The following TRIM33 variants were observed in gnomAD, a reference collection of about 807,000 sequenced individuals.
The protein encoded by TRIM33 is E3 ubiquitin-protein ligase TRIM33.
TRIM33 carries 20 observed loss-of-function variants against 125.4 expected under a neutral mutation model. The observed-to-expected ratio is 0.16, with a 90% CI of 0.11 to 0.23. TRIM33 has a LOEUF of 0.23. Ranked by LOEUF, TRIM33 falls within the 10% of genes least tolerant of loss-of-function variation. The pLI, the probability that TRIM33 is intolerant of heterozygous loss-of-function variation, is 1.00. For synonymous variants in TRIM33, 564 were observed against 513.9 expected (o/e 1.10, Z -1.32); for missense variants, 920 against 1,411.4 (o/e 0.65, Z 5.58).
At chr1:114,457,256 C>T (rs890882875) in intron 4 of TRIM33, among the ~76,000 whole-genome samples, 4 of 152,120 alleles carry the variant, frequency 2.6e-5, no homozygotes, top group African/African-American at 7.2e-5. Flanking sequence ...ATGGACATTC[C>T]GCCATGATTT....
At position 114,406,565 on chromosome 1, in the gene TRIM33, A is replaced by G. The variant is rs190866115; in HGVS notation, c.2418+376T>C. On this transcript the variant is annotated intron_variant, in intron 14 of 19. Coordinates refer to ENST00000358465, the MANE Select transcript of TRIM33 (RefSeq NM_015906.4). ...ATCAATAAATTTCTTTCATGTCAGC[A>G]ATCTTAATGCTGAGCTCACAGGTCC... Among the ~76,000 whole-genome samples, 192 of 152,344 alleles carry G rather than the reference A, an allele frequency of 1.3e-3. 1 individual carries two copies. Among genetic ancestry groups the G allele is most frequent in the African/African-American group, 4.4e-3 (183 of 41,580 alleles).
rs59231995 is a variant in TRIM33 at position 114,439,468 on chromosome 1, CAAAAAAAA to C, written c.924-5743_924-5736del. Among the ~76,000 whole-genome samples, 19 of 45,974 alleles carry C rather than the reference CAAAAAAAA, an allele frequency of 4.1e-4. 1 individual carries two copies. The highest frequency in any genetic ancestry group is 1.9e-3 in the East Asian group (2 of 1,074). The allele number at this position is 45,974 out of a possible 152,430, so 30.2% of individuals were successfully genotyped here. ...TGGGCGACAGAGAGAGACTCTGTAT[CAAAAAAAA>C]AAAAAAAAAAAAAAAAAAAATCTAA... On this transcript the variant is annotated intron_variant, in intron 4 of 19. Coordinates refer to ENST00000358465, the MANE Select transcript of TRIM33 (RefSeq NM_015906.4).
intron 1 of TRIM33, among the ~76,000 whole-genome samples, chr1:114,502,370 CAA>C (rs1652768384): frequency 6.6e-6 from 1 of 152,038 alleles, no homozygotes; most frequent in Admixed American, 6.6e-5. Context: ...CTGAGGAACA[CAA>C]AGAGCTTTTG....
intron 1 of TRIM33, among the ~76,000 whole-genome samples, chr1:114,491,059 G>A (rs1422443330): frequency 2.6e-5 from 4 of 152,186 alleles, no homozygotes; most frequent in South Asian, 4.1e-4. Flanking sequence ...GTTTCTTTTG[G>A]GAGTAATAAA....
chr1:114,506,818 T>G (rs1224507640), intron 1 of TRIM33, among the ~76,000 whole-genome samples: 1 of 152,198 alleles, frequency 6.6e-6, no homozygotes, highest in Admixed American at 6.5e-5. Context: ...GGTAAACAGA[T>G]TGTACTTTCT....
chr1:114,469,267 C>T (rs761972569), intron 1 of TRIM33: 8 of 202,466 alleles, frequency 4.0e-5, no homozygotes, highest in Non-Finnish European at 7.7e-5. Flanking sequence ...AGCACAGCTC[C>T]GTGCCAAAGC....
chr1:114,426,642 A>C (rs1647605829), intron 8 of TRIM33, among the ~76,000 whole-genome samples: 2 of 151,954 alleles, frequency 1.3e-5, no homozygotes. Flanking sequence ...GTTTGTGTGC[A>C]TGTGTTTTAA....
Position 114,396,517 on chromosome 1 carries a change from A to C in TRIM33, c.*1131T>G, listed in dbSNP as rs1651551322. 1 of 194,860 alleles carries C rather than the reference A, an allele frequency of 5.1e-6. No homozygotes were observed. The highest frequency in any genetic ancestry group is 1.9e-4 in the South Asian group (1 of 5,180). The allele number at this position is 194,860 out of a possible 1,614,324, so 12.1% of individuals were successfully genotyped here. On this transcript the variant is annotated 3_prime_UTR_variant, in exon 20 of 20. Coordinates refer to ENST00000358465, the MANE Select transcript of TRIM33 (RefSeq NM_015906.4). The stretch of plus-strand genomic sequence containing the variant: ...GAGAAGTCTGTTCTCTATTAAAATA[A>C]GATAGAACCTCAAAATATGAATGTG...
chr1:114,496,103 C>T (rs1423296397), intron 1 of TRIM33, among the ~76,000 whole-genome samples: 1 of 152,198 alleles, frequency 6.6e-6, no homozygotes, highest in African/African-American at 2.4e-5. Context: ...GATTCATAAG[C>T]ACAGTAATAC....
intron 1 of TRIM33, chr1:114,490,804 A>C (rs116336869): frequency 6.6e-6 from 1 of 152,186 alleles, no homozygotes; most frequent in Non-Finnish European, 1.5e-5. Context: ...CTCTCTCCTC[A>C]TATCACTACT....
At position 114,427,263 on chromosome 1, in the gene TRIM33, G is replaced by C; in HGVS notation, c.1334C>G (p.Ala445Gly). ...ITFQLRHILK[A>G]RCDPVPAANG... ...AGCAGCAGGGACAGGATCACACCGTGCTTTCAAAATATGACGCAACTGGAA... is the reference window on the plus strand; with the variant it reads ...AGCAGCAGGGACAGGATCACACCGTCCTTTCAAAATATGACGCAACTGGAA... Residue 445 changes from alanine (A) to glycine (G), a missense_variant, in exon 8 of 20, where the codon GCA (alanine) becomes GGA (glycine). Physicochemically the swap from Ala to Gly is moderately conservative, Grantham distance 60 (BLOSUM62 0). Coordinates refer to ENST00000358465, the MANE Select transcript of TRIM33 (RefSeq NM_015906.4). 6.3e-7 allele frequency: 1 copy of C among 1,594,986 alleles called. No homozygotes were observed.
Position 114,450,441 on chromosome 1 carries a change from C to T in TRIM33, c.923+12663G>A, listed in dbSNP as rs557581881. On this transcript the variant is annotated intron_variant, in intron 4 of 19. Coordinates refer to ENST00000358465, the MANE Select transcript of TRIM33 (RefSeq NM_015906.4). ...CTACCTCCTGGGTTCAAGTGATTCTCGTGCGTCAGCCTCCCGAGTAGCTGG... is the reference window on the plus strand; with the variant it reads ...CTACCTCCTGGGTTCAAGTGATTCTTGTGCGTCAGCCTCCCGAGTAGCTGG... Among the ~76,000 whole-genome samples, 29 of 152,292 alleles carry T rather than the reference C, an allele frequency of 1.9e-4. No homozygotes were observed. The South Asian group carries it at 3.3e-3, about 17-fold the overall frequency.
At chr1:114,479,268 A>G (rs572273381) in intron 1 of TRIM33, among the ~76,000 whole-genome samples, 1 of 152,328 alleles carries the variant, frequency 6.6e-6, no homozygotes, top group South Asian at 2.1e-4. Flanking sequence ...AATGGTGGAA[A>G]ATGTCAAAAC....
chr1:114,417,487 A>G (rs1180090228), intron 11 of TRIM33, among the ~76,000 whole-genome samples: 1 of 152,132 alleles, frequency 6.6e-6, no homozygotes, highest in Non-Finnish European at 1.5e-5. Flanking sequence ...AAACTGAATG[A>G]CATTGTTATA....
chr1:114,415,672 C>G (rs1254551075), intron 11 of TRIM33, among the ~76,000 whole-genome samples: 1 of 152,056 alleles, frequency 6.6e-6, no homozygotes, highest in Non-Finnish European at 1.5e-5. Context: ...GTCACCCGGC[C>G]AGGTGCAGTG....
At chr1:114,472,786 C>T (rs1650730208) in intron 1 of TRIM33, among the ~76,000 whole-genome samples, 1 of 152,016 alleles carries the variant, frequency 6.6e-6, no homozygotes, top group Non-Finnish European at 1.5e-5. Context: ...TAAAAATTCA[C>T]AAGCATGAAT....
Position 114,428,898 on chromosome 1 carries a change from A to G in TRIM33, c.1156-1004T>C, listed in dbSNP as rs1430525859. 3.3e-5 allele frequency among the ~76,000 whole-genome samples: 5 copies of G among 151,842 alleles called. 1 individual carries two copies. The East Asian group carries it at 9.7e-4, about 29-fold the overall frequency. On this transcript the variant is annotated intron_variant, in intron 6 of 19. Transcript: ENST00000358465. ...TTAACAGAGTCTCACTCTGTCCCCC[A>G]GGCTGGAGTGCAGTGGTGCAATCCT...
rs753010745 is a variant in TRIM33, at chr1:114,401,428, A to G, written c.2928T>C (p.His976=). ...GCTCCTGGAATTCAATACTTAATTC[A>G]TGGCAATAGAGGTAAAGCAGAAGAC... ...CERLLLYLYC[H]ELSIEFQEPV... is the part of the protein sequence containing the mutation. Residue 976 remains histidine, a synonymous_variant, in exon 17 of 20, where the codon CAT becomes CAC. Coordinates refer to ENST00000358465, the MANE Select transcript of TRIM33 (RefSeq NM_015906.4). 4.3e-6 allele frequency: 7 copies of G among 1,613,414 alleles called. No homozygotes were observed. In the East Asian group the frequency reaches 1.6e-4, roughly 36 times the overall value.
At position 114,397,633 on chromosome 1, in the gene TRIM33, T is replaced by TAAA; in HGVS notation, c.*12_*14dup. The TAAA allele has an allele frequency of 2.8e-6, 4 of 1,453,440 alleles. No homozygotes were observed. Among genetic ancestry groups the TAAA allele is most frequent in the Non-Finnish European group, 3.8e-6 (4 of 1,040,264 alleles). The allele number at this position is 1,453,440 out of a possible 1,614,324, so 90.0% of individuals were successfully genotyped here. A position where few individuals can be genotyped will look rare whatever the true frequency, so the allele number is the denominator to read the frequency against. On this transcript the variant is annotated 3_prime_UTR_variant, in exon 20 of 20. Coordinates refer to ENST00000358465, the MANE Select transcript of TRIM33 (RefSeq NM_015906.4). Reference sequence around the variant, plus strand: ...TTTTTTTTTTTTTAAACAATTGATTTAAATCCATGTCATTTTACTTTATAT... The same window carrying TAAA: ...TTTTTTTTTTTTTAAACAATTGATTTAAAAAATCCATGTCATTTTACTTTATAT...
Sources: gnomAD v4.1 joint callset for allele counts (sites outside exome capture counted in the v4.1 genomes callset) on GRCh38, gnomAD v4.1.1 for gene constraint, MANE v1.5 for transcripts, NCBI Gene and HGNC (gene_info 2026-07-23, HGNC 2026-07-21) for gene names.